Variants in THEMIS observed in about 807,000 individuals in gnomAD.
THEMIS encodes the protein thymocyte selection associated, also known as protein THEMIS.
Under a neutral mutation model 52.6 loss-of-function variants are expected in THEMIS, and 37 were observed. The ratio of observed to expected loss-of-function variants is 0.70; its 90% CI spans 0.54 to 0.93. The LOEUF (loss-of-function observed/expected upper bound fraction) is 0.93, where lower values mean the gene tolerates loss of function less well. Ranked by LOEUF, THEMIS falls within the 40% of genes least tolerant of loss-of-function variation. The pLI is 0.00. For synonymous variants in THEMIS, 292 were observed against 272.7 expected (o/e 1.07, Z -0.70); for missense variants, 808 against 763.1 (o/e 1.06, Z -0.69).
At chr6:127,901,303 A>AGAGTT (rs1781128823), upstream of THEMIS, among the ~76,000 whole-genome samples, 1 of 152,138 alleles carries the variant, frequency 6.6e-6, no homozygotes, top group African/African-American at 2.4e-5. Context: ...AACTGAGGTC[A>AGAGTT]GAGTTGCTTG....
At chr6:127,781,839 C>T (rs971105517) in intron 4 of THEMIS, among the ~76,000 whole-genome samples, 28 of 152,128 alleles carry the variant, frequency 1.8e-4, no homozygotes, top group African/African-American at 5.6e-4. Context: ...CGACCCCTCC[C>T]AGGAGGTGTC....
chr6:127,811,187 T>C (rs13208171), intron 4 of THEMIS, among the ~76,000 whole-genome samples: 7,116 of 152,250 alleles, frequency 0.047, 185 homozygotes, highest in Middle Eastern at 0.068. Context: ...TATCTTTCTA[T>C]TGTTACTATA....
rs1401980382 is a variant in THEMIS at position 127,856,414 on chromosome 6, C to T, written c.92-1226G>A. Among the ~76,000 whole-genome samples, 4 of 151,876 alleles carry T rather than the reference C, an allele frequency of 2.6e-5. No homozygotes were observed. In the South Asian group the frequency reaches 8.3e-4, roughly 31 times the overall value. On this transcript the variant is annotated intron_variant, in intron 1 of 5. Coordinates refer to ENST00000368248, the MANE Select transcript of THEMIS (RefSeq NM_001010923.3). ...TAGGGGCCATCTTTAAAAAGAGGCACAGCCAGTTCTAGGCAACCAAAGAAA... is the reference window on the plus strand; with the variant it reads ...TAGGGGCCATCTTTAAAAAGAGGCATAGCCAGTTCTAGGCAACCAAAGAAA...
intron 1 of THEMIS, among the ~76,000 whole-genome samples, chr6:127,889,693 C>A (rs553644553): frequency 0.043 from 6,577 of 152,102 alleles, 217 homozygotes; most frequent in Non-Finnish European, 0.065. Flanking sequence ...CCTAATTTAT[C>A]TCTGCATCGG....
intron 5 of THEMIS, among the ~76,000 whole-genome samples, chr6:127,719,414 A>G (rs1774284186): frequency 6.6e-6 from 1 of 152,000 alleles, no homozygotes; most frequent in Non-Finnish European, 1.5e-5. Context: ...TCACAACAAT[A>G]CAAGTAATCT....
At chr6:127,769,767 T>A (rs1020857303) in intron 4 of THEMIS, among the ~76,000 whole-genome samples, 7 of 152,144 alleles carry the variant, frequency 4.6e-5, no homozygotes, top group African/African-American at 1.7e-4. Context: ...CTCCTGACGC[T>A]ACCCCTCCCC....
At position 127,719,748 on chromosome 6, in the gene THEMIS, G is replaced by T. The variant is rs75834450; in HGVS notation, c.1834C>A (p.Gln612Lys). 10 of 1,612,382 alleles carry T rather than the reference G, an allele frequency of 6.2e-6. No individual in the cohort carries two copies. In the Admixed American group the frequency reaches 8.4e-5, roughly 13 times the overall value. The change falls in exon 5 of 6, where the codon CAG becomes AAG. Residue 612 changes from glutamine to lysine, a missense_variant. Physicochemically the swap from Gln to Lys is moderately conservative, Grantham distance 53. Coordinates refer to ENST00000368248, the MANE Select transcript of THEMIS (RefSeq NM_001010923.3). ...TTCTCTTCATCCACCAAATCATTCT[G>T]ACTACCAATCAGTACTTTTGAATCC... Reference protein sequence around the residue: ...GLDSKVLIGSQNDLVDEEKER... With the variant: ...GLDSKVLIGSKNDLVDEEKER...
chr6:127,876,614 A>G (rs956674431), intron 1 of THEMIS, among the ~76,000 whole-genome samples: 1 of 152,210 alleles, frequency 6.6e-6, no homozygotes, highest in Non-Finnish European at 1.5e-5. Context: ...AGTAAATTGC[A>G]AAGTTTGGTT....
At chr6:127,836,810 A>T (rs1261355226) in intron 2 of THEMIS, among the ~76,000 whole-genome samples, 1 of 152,094 alleles carries the variant, frequency 6.6e-6, no homozygotes, top group South Asian at 2.1e-4. Flanking sequence ...AGTGGATTTG[A>T]CTTGGACAGG....
intron 3 of THEMIS, 51 bp from the exon 4 acceptor site, chr6:127,813,982 G>C: frequency 7.0e-7 from 1 of 1,422,280 alleles, no homozygotes; most frequent in Non-Finnish European, 9.4e-7. Context: ...CAAAACGTTT[G>C]CTGTGAGATA....
intron 4 of THEMIS, among the ~76,000 whole-genome samples, chr6:127,775,251 T>C (rs935246758): frequency 1.3e-5 from 2 of 152,240 alleles, no homozygotes; most frequent in Non-Finnish European, 2.9e-5. Flanking sequence ...AGTGTTTTTA[T>C]GTTTTGAGCA....
At chr6:127,728,728 G>C (rs1051611364) in intron 4 of THEMIS, among the ~76,000 whole-genome samples, 12 of 152,054 alleles carry the variant, frequency 7.9e-5, no homozygotes, top group Admixed American at 1.3e-4. Context: ...GTTGGGATTG[G>C]GGGTGAGGTG....
chr6:127,879,666 C>G (rs1780417314), intron 1 of THEMIS, among the ~76,000 whole-genome samples: 1 of 148,856 alleles, frequency 6.7e-6, no homozygotes, highest in Non-Finnish European at 1.5e-5. Flanking sequence ...TAGAATATTG[C>G]TTTTTTAAAA....
intron 1 of THEMIS, chr6:127,868,557 C>A: frequency 1.2e-6 from 1 of 815,150 alleles, no homozygotes; most frequent in Non-Finnish European, 1.5e-6. Flanking sequence ...CTTAAAGTGA[C>A]CAGCTCAGGT....
At position 127,829,550 on chromosome 6, in the gene THEMIS, G is replaced by A. The variant is rs759978898; in HGVS notation, c.635C>T (p.Thr212Met). ...LTDFSNKWDS[T>M]NPFPKDFYGT... ...ATAAAAGTCTTTAGGAAATGGATTC[G>A]TTGAGTCCCACTTATTTGAAAAATC... The change falls in exon 3 of 6, where the codon ACG becomes ATG. Residue 212 changes from threonine to methionine, a missense_variant. By Grantham distance (81) the Thr-to-Met change is moderately conservative. Coordinates refer to ENST00000368248, the MANE Select transcript of THEMIS (RefSeq NM_001010923.3). 13 of 1,613,796 alleles carry A rather than the reference G, an allele frequency of 8.1e-6. No individual in the cohort carries two copies. Among genetic ancestry groups the A allele is most frequent in the East Asian group, 4.5e-5 (2 of 44,870 alleles).
intron 4 of THEMIS, chr6:127,807,408 T>A (rs1777755568): frequency 4.9e-6 from 1 of 203,750 alleles, no homozygotes; most frequent in South Asian, 5.1e-5. Flanking sequence ...GCTAAAATTG[T>A]ATCTCACAGT....
At chr6:127,917,535 A>G (rs1310412536) in intron 1 of THEMIS, among the ~76,000 whole-genome samples, 1 of 152,208 alleles carries the variant, frequency 6.6e-6, no homozygotes, top group Admixed American at 6.5e-5. Flanking sequence ...CCTTGTGTCA[A>G]AGTTCCTCTT....
At chr6:127,706,820 G>A (rs148190727), downstream of THEMIS, among the ~76,000 whole-genome samples, 1 of 152,058 alleles carries the variant, frequency 6.6e-6, no homozygotes, top group Non-Finnish European at 1.5e-5. Context: ...AGAGCAAAAA[G>A]TGTTCCAGGC....
chr6:127,803,041 A>C (rs1777587226), intron 4 of THEMIS, among the ~76,000 whole-genome samples: 1 of 152,156 alleles, frequency 6.6e-6, no homozygotes, highest in Admixed American at 6.5e-5. Context: ...CAATTTATCA[A>C]CCATACATCC....
Sources: allele counts gnomAD v4.1 joint callset (sites outside exome capture counted in the v4.1 genomes callset), GRCh38; gene constraint gnomAD v4.1.1; transcripts MANE v1.5; gene names NCBI Gene and HGNC (gene_info 2026-07-23, HGNC 2026-07-21).